The following NIPAL2 variants were observed in gnomAD, a reference collection of about 807,000 sequenced individuals.
NIPAL2 encodes NIPA-like protein 2.
A neutral mutation model predicts 48.9 loss-of-function variants in NIPAL2; 43 were observed. The observed-to-expected ratio is 0.88, with a 90% CI of 0.69 to 1.13. NIPAL2 has a LOEUF of 1.13. Among genes scored for constraint, NIPAL2 ranks in the 50% most tolerant of loss-of-function variants. NIPAL2 has a pLI of 0.00. For missense variants in NIPAL2, 446 were observed against 461.4 expected, an observed-to-expected ratio of 0.97 and a Z score of 0.31; for synonymous variants, 167 against 174.6, an observed-to-expected ratio of 0.96 and a Z score of 0.34.
chr8:98,193,318 G>T, intron 10 of NIPAL2: 1 of 1,559,336 alleles, frequency 6.4e-7, no homozygotes, highest in Non-Finnish European at 8.8e-7. Context: ...CACCCCACAG[G>T]ATCTACATGC....
intron 5 of NIPAL2, among the ~76,000 whole-genome samples, chr8:98,218,265 T>C (rs1002742717): frequency 6.6e-6 from 1 of 152,190 alleles, no homozygotes; most frequent in African/African-American, 2.4e-5. Context: ...AGAGTAATAA[T>C]TTGTTGGTAA....
chr8:98,289,589 GA>G (rs1657425108), intron 1 of NIPAL2, among the ~76,000 whole-genome samples: 1 of 151,678 alleles, frequency 6.6e-6, no homozygotes, highest in East Asian at 1.9e-4. Flanking sequence ...GGGCTCAAGA[GA>G]TCCTCCTGTC....
At chr8:98,261,462 C>T (rs1478972665) in intron 1 of NIPAL2, among the ~76,000 whole-genome samples, 1,693 of 146,356 alleles carry the variant, frequency 0.012, 29 homozygotes, top group African/African-American at 0.041. Context: ...AAACAAGGCT[C>T]GAGAACTACG....
chr8:98,260,329 G>A (rs1336934336), intron 1 of NIPAL2, among the ~76,000 whole-genome samples: 7 of 152,176 alleles, frequency 4.6e-5, no homozygotes, highest in South Asian at 4.1e-4. Context: ...TGTGAGCGAC[G>A]CAGAAGACGG....
In NIPAL2 at chr8:98,192,691, C is replaced by T; in HGVS notation, c.*287G>A. On this transcript the variant is annotated 3_prime_UTR_variant, in exon 11 of 11. Coordinates refer to ENST00000430223, the MANE Select transcript of NIPAL2 (RefSeq NM_001321635.2). ...ACCGCAAATGTATGTTTCTGTGCAA[C>T]ATTCCTGCTAGAGCAGCCGGGCTCT... 2.7e-6 allele frequency: 1 copy of T among 374,436 alleles called. No homozygotes were observed. Among genetic ancestry groups the T allele is most frequent in the Non-Finnish European group, 4.9e-6 (1 of 204,898 alleles). The allele number at this position is 374,436 out of a possible 1,614,324, so 23.2% of individuals were successfully genotyped here. A position where few individuals can be genotyped will look rare whatever the true frequency, so the allele number is the denominator to read the frequency against.
At chr8:98,270,649 G>A (rs1815072978) in intron 1 of NIPAL2, among the ~76,000 whole-genome samples, 1 of 151,902 alleles carries the variant, frequency 6.6e-6, no homozygotes. Context: ...CTTTCTATAG[G>A]TTTTTTATTC....
chr8:98,255,622 A>T (rs948147673), intron 1 of NIPAL2, among the ~76,000 whole-genome samples: 1 of 152,228 alleles, frequency 6.6e-6, no homozygotes, highest in Non-Finnish European at 1.5e-5. Flanking sequence ...CATATTCTTT[A>T]ATCAGTTAAG....
In NIPAL2 at chr8:98,285,715, A is replaced by C. The variant is rs554822468; in HGVS notation, c.135+8288T>G. 2.0e-5 allele frequency among the ~76,000 whole-genome samples: 3 copies of C among 152,248 alleles called. No individual in the cohort carries two copies. The East Asian group carries it at 5.8e-4, about 29-fold the overall frequency. On this transcript the variant is annotated intron_variant, in intron 1 of 10. Transcript: ENST00000430223. ...TTTCTTTTCTTATTTAAGTCAGTTA[A>C]AGTTAGTTTCTTTCTTTCTTTTTTT...
chr8:98,258,696 CTG>C (rs1484667418), intron 1 of NIPAL2, among the ~76,000 whole-genome samples: 1 of 152,194 alleles, frequency 6.6e-6, no homozygotes, highest in African/African-American at 2.4e-5. Flanking sequence ...AGTGTTCAAA[CTG>C]TGTTCAAATA....
chr8:98,234,013 A>G (rs1000201092), intron 4 of NIPAL2, among the ~76,000 whole-genome samples: 1 of 150,860 alleles, frequency 6.6e-6, no homozygotes, highest in African/African-American at 2.4e-5. Flanking sequence ...AAACCTGAGT[A>G]ATTTTGTCCC....
rs1302188938 is a variant in NIPAL2 at position 98,198,858 on chromosome 8, T to A, written c.881-2853A>T. Reference sequence around the variant, plus strand: ...GTCCAGACCACTCAAACTTCCTTTATATCAGTGATAAGGTTGCTTTACTTT... The same window carrying A: ...GTCCAGACCACTCAAACTTCCTTTAAATCAGTGATAAGGTTGCTTTACTTT... On this transcript the variant is annotated intron_variant, in intron 8 of 10. Transcript: ENST00000430223. Among the ~76,000 whole-genome samples the A allele has an allele frequency of 2.0e-5, 3 of 152,252 alleles. No homozygotes were observed. In the East Asian group the frequency reaches 5.8e-4, roughly 29 times the overall value.
intron 4 of NIPAL2, among the ~76,000 whole-genome samples, chr8:98,235,678 C>T (rs1030956997): frequency 6.6e-6 from 1 of 151,128 alleles, no homozygotes; most frequent in African/African-American, 2.4e-5. Context: ...TATACAAATG[C>T]TCAACATACC....
intron 1 of NIPAL2, among the ~76,000 whole-genome samples, chr8:98,276,579 C>T (rs1443403650): frequency 2.0e-5 from 3 of 152,024 alleles, no homozygotes; most frequent in Non-Finnish European, 2.9e-5. Context: ...TGGGTAAATA[C>T]CAAGGTTGCT....
chr8:98,274,182 G>A (rs559930680), intron 1 of NIPAL2, among the ~76,000 whole-genome samples: 1 of 151,986 alleles, frequency 6.6e-6, no homozygotes, highest in Middle Eastern at 3.4e-3. Flanking sequence ...AGTTTTATAA[G>A]TTTCCATGTA....
chr8:98,283,716 G>A (rs1230151029), intron 1 of NIPAL2, among the ~76,000 whole-genome samples: 2 of 152,120 alleles, frequency 1.3e-5, no homozygotes, highest in Non-Finnish European at 2.9e-5. Context: ...CCCCACACCT[G>A]CCTGGGTTTC....
chr8:98,286,830 AAAAAC>A (rs1334625431), intron 1 of NIPAL2, among the ~76,000 whole-genome samples: 8 of 127,648 alleles, frequency 6.3e-5, no homozygotes, highest in African/African-American at 2.3e-4. Flanking sequence ...AAAAAAAAAA[AAAAAC>A]CAAAAACAAA....
chr8:98,268,435 A>AC (rs1814907355), intron 1 of NIPAL2, among the ~76,000 whole-genome samples: 1 of 152,088 alleles, frequency 6.6e-6, no homozygotes, highest in Admixed American at 6.6e-5. Flanking sequence ...AGCCTGGCCA[A>AC]CATGGTGAAA....
chr8:98,208,507 G>A (rs984918232), intron 6 of NIPAL2, among the ~76,000 whole-genome samples: 1 of 151,978 alleles, frequency 6.6e-6, no homozygotes, highest in African/African-American at 2.4e-5. Flanking sequence ...GGAGTGCAAT[G>A]GTGCGATCTT....
chr8:98,252,666 C>T, intron 2 of NIPAL2, 32 bp from the exon 3 acceptor site: 2 of 1,584,934 alleles, frequency 1.3e-6, no homozygotes, highest in African/African-American at 2.7e-5. Context: ...AATAAGAAAA[C>T]ATTCTGAGCT....
Sources: allele counts gnomAD v4.1 joint callset (sites outside exome capture counted in the v4.1 genomes callset), GRCh38; gene constraint gnomAD v4.1.1; transcripts MANE v1.5; gene names NCBI Gene and HGNC (gene_info 2026-07-23, HGNC 2026-07-21).